Variants in TFPI observed in about 807,000 individuals in gnomAD.
TFPI encodes the protein tissue factor pathway inhibitor, also known as anti-convertin.
In TFPI, 15 loss-of-function variants were observed where a neutral mutation model predicts 34.6. The ratio of observed to expected loss-of-function variants is 0.43; its 90% CI spans 0.29 to 0.67. The LOEUF is 0.67. Among genes scored for constraint, TFPI ranks in the 30% least tolerant of loss-of-function variants. TFPI has a pLI of 0.15. For synonymous variants in TFPI, 105 were observed against 120.1 expected (o/e 0.87, Z 0.82); for missense variants, 301 against 364.0 (o/e 0.83, Z 1.41).
intron 1 of TFPI, among the ~76,000 whole-genome samples, chr2:187,507,847 G>T (rs1395995380): frequency 3.9e-5 from 6 of 152,070 alleles, no homozygotes; most frequent in Admixed American, 3.3e-4. Context: ...GGCTTTTGTT[G>T]CCATTGCTTT....
intron 1 of TFPI, among the ~76,000 whole-genome samples, chr2:187,543,530 C>A (rs760028582): frequency 1.4e-4 from 22 of 152,176 alleles, no homozygotes; most frequent in Non-Finnish European, 2.9e-4. Context: ...CATAGTTTCT[C>A]TTCTACTTAA....
chr2:187,524,427 T>C (rs113004723), intron 1 of TFPI, among the ~76,000 whole-genome samples: 3 of 152,194 alleles, frequency 2.0e-5, no homozygotes, highest in African/African-American at 4.8e-5. Context: ...TTTATGTGCA[T>C]TTATATATTT....
chr2:187,484,247 T>G (rs1693091956), intron 5 of TFPI, 31 bp from the exon 6 acceptor site: 3 of 1,580,596 alleles, frequency 1.9e-6, no homozygotes, highest in Admixed American at 1.7e-5. Context: ...TTAAAATAGA[T>G]AAACATTGTC....
At chr2:187,505,996 TTAAA>T (rs1686189227) in intron 1 of TFPI, among the ~76,000 whole-genome samples, 1 of 150,894 alleles carries the variant, frequency 6.6e-6, no homozygotes, top group Non-Finnish European at 1.5e-5. Context: ...AATTTTTTTT[TTAAA>T]AAAAAGAAAA....
chr2:187,507,198 G>A (rs1417920004), intron 1 of TFPI, among the ~76,000 whole-genome samples: 3 of 152,086 alleles, frequency 2.0e-5, no homozygotes, highest in Admixed American at 2.0e-4. Context: ...TGAGAATGAT[G>A]GTTTCCAGCT....
At chr2:187,489,767 T>A (rs1684986990) in intron 3 of TFPI, among the ~76,000 whole-genome samples, 1 of 151,564 alleles carries the variant, frequency 6.6e-6, no homozygotes, top group Non-Finnish European at 1.5e-5. Flanking sequence ...TAACTCAATG[T>A]GGTTTAGCAC....
At chr2:187,517,149 C>CAGG (rs1405389712) in intron 1 of TFPI, 1 of 152,034 alleles carries the variant, frequency 6.6e-6, no homozygotes, top group Admixed American at 6.6e-5. Flanking sequence ...GCACCAAGCA[C>CAGG]TTGTTTCTAA....
intron 2 of TFPI, among the ~76,000 whole-genome samples, chr2:187,502,874 T>A (rs974674757): frequency 4.6e-5 from 7 of 152,214 alleles, no homozygotes; most frequent in Non-Finnish European, 8.8e-5. Context: ...TTTAAAAAGC[T>A]ATTAAAGCTA....
chr2:187,550,149 A>G (rs1689043157), intron 1 of TFPI, among the ~76,000 whole-genome samples: 2 of 152,130 alleles, frequency 1.3e-5, no homozygotes, highest in Non-Finnish European at 2.9e-5. Context: ...AGAGTTACAC[A>G]GAAAGAAAGA....
chr2:187,487,404 T>G (rs939614667), intron 4 of TFPI, among the ~76,000 whole-genome samples: 1 of 151,474 alleles, frequency 6.6e-6, no homozygotes, highest in African/African-American at 2.4e-5. Context: ...ATTCCAATTC[T>G]GGTCAGTGAA....
chr2:187,519,755 T>C (rs72906221), intron 1 of TFPI: 22,901 of 152,268 alleles, frequency 0.15, 2,421 homozygotes, highest in East Asian at 0.35. Context: ...CAGCCTCCCC[T>C]TTCCCCAGGT....
rs570180427 is a variant in TFPI, at chr2:187,501,830, T to C, written c.121+1818A>G. Among the ~76,000 whole-genome samples the C allele has an allele frequency of 5.9e-5, 9 of 152,278 alleles. No homozygotes were observed. The East Asian group carries it at 1.5e-3, about 26-fold the overall frequency. ...CTTATCACTACTCTTTTTATTATCA[T>C]TTTTGCCTTATCTAGACGTTAATTC... On this transcript the variant is annotated intron_variant, in intron 2 of 7. Coordinates refer to ENST00000233156, the MANE Select transcript of TFPI (RefSeq NM_006287.6).
At chr2:187,469,424 C>A (rs1691904164) in intron 6 of TFPI, among the ~76,000 whole-genome samples, 1 of 151,832 alleles carries the variant, frequency 6.6e-6, no homozygotes, top group South Asian at 2.1e-4. Context: ...CATATGTAGC[C>A]CTTTATGTTT....
intron 6 of TFPI, chr2:187,478,804 CTG>C (rs1465750860): frequency 6.2e-7 from 1 of 1,609,776 alleles, no homozygotes; most frequent in Non-Finnish European, 8.5e-7. Context: ...TCTTTTGTAA[CTG>C]TGGATCACAA....
chr2:187,511,236 T>G (rs1686610390), intron 1 of TFPI, among the ~76,000 whole-genome samples: 1 of 152,204 alleles, frequency 6.6e-6, no homozygotes, highest in Non-Finnish European at 1.5e-5. Flanking sequence ...TCTTTGGAAC[T>G]TGACCACTCC....
In TFPI at chr2:187,503,710, T is replaced by C. The variant is rs1574444318; in HGVS notation, c.59A>G (p.Asn20Ser). ...AGCATTAAGAGGGGCAGGGGCAAGA[T>C]TAAGCAGCAGGCATACAGAAGCCCA... The part of the protein sequence containing the change: ...ALWASVCLLL[N>S]LAPAPLNADS... Residue 20 changes from asparagine (N) to serine (S), a missense_variant, in exon 2 of 8, where the codon AAT becomes AGT. Physicochemically the swap from Asn to Ser is conservative, Grantham distance 46. Transcript: ENST00000233156. 1 of 1,613,330 alleles carries C rather than the reference T, an allele frequency of 6.2e-7. No individual in the cohort carries two copies. Among genetic ancestry groups the C allele is most frequent in the Non-Finnish European group, 8.5e-7 (1 of 1,179,454 alleles).
intron 1 of TFPI, among the ~76,000 whole-genome samples, 156 bp from the exon 2 acceptor site, chr2:187,503,926 C>T (rs1686023698): frequency 6.6e-6 from 1 of 152,028 alleles, no homozygotes; most frequent in South Asian, 2.1e-4. Flanking sequence ...ATGAGTCATA[C>T]TTAAAATGTA....
At chr2:187,484,309 T>G in intron 5 of TFPI, 93 bp from the exon 6 acceptor site, 1 of 970,644 alleles carries the variant, frequency 1.0e-6, no homozygotes, top group Non-Finnish European at 1.6e-6. Context: ...AAAGCAGACT[T>G]CTGGCAATTT....
At chr2:187,482,608 A>C (rs1284031546) in intron 6 of TFPI, among the ~76,000 whole-genome samples, 2 of 151,952 alleles carry the variant, frequency 1.3e-5, no homozygotes, top group Admixed American at 6.6e-5. Context: ...CCCCTTAATG[A>C]CCTCTTAAGT....
Sources: gnomAD v4.1 joint callset for allele counts (sites outside exome capture counted in the v4.1 genomes callset) on GRCh38, gnomAD v4.1.1 for gene constraint, MANE v1.5 for transcripts, NCBI Gene and HGNC (gene_info 2026-07-23, HGNC 2026-07-21) for gene names.